The following ATP13A4 variants were observed in gnomAD, a reference collection of about 807,000 sequenced individuals.
ATP13A4 encodes ATPase 13A4.
Under a neutral mutation model 142.5 loss-of-function variants are expected in ATP13A4, and 114 were observed. That is an observed-to-expected ratio of 0.80 (90% CI 0.69 to 0.93). ATP13A4 has a LOEUF of 0.93. ATP13A4 is among the 40% of genes least tolerant of loss of function. ATP13A4 has a pLI of 0.00. For missense variants in ATP13A4, 1,392 were observed against 1,454.0 expected (o/e 0.96, Z 0.69); for synonymous variants, 488 against 514.8 (o/e 0.95, Z 0.70).
chr3:193,473,065 C>T (rs1214290402), intron 8 of ATP13A4, among the ~76,000 whole-genome samples: 8 of 152,174 alleles, frequency 5.3e-5, no homozygotes, highest in African/African-American at 1.9e-4. Flanking sequence ...TTCTAAATTC[C>T]CTTTCTCCCA....
chr3:193,449,802 C>G (rs894632297), intron 17 of ATP13A4, among the ~76,000 whole-genome samples: 1 of 152,144 alleles, frequency 6.6e-6, no homozygotes, highest in South Asian at 2.1e-4. Flanking sequence ...ACCACGTCCC[C>G]CACAAAGGCT....
At chr3:193,453,253 T>G (rs2108632762) in intron 17 of ATP13A4, among the ~76,000 whole-genome samples, 1 of 152,364 alleles carries the variant, frequency 6.6e-6, no homozygotes, top group South Asian at 2.1e-4. Context: ...AGATAATATG[T>G]GAATTTTATT....
chr3:193,479,020 A>G (rs1420881478), intron 8 of ATP13A4, among the ~76,000 whole-genome samples: 3 of 152,312 alleles, frequency 2.0e-5, no homozygotes, highest in Admixed American at 2.0e-4. Flanking sequence ...ACAAAATCAC[A>G]TGATTATCTC....
At chr3:193,523,087 G>A (rs747693219) in intron 1 of ATP13A4, among the ~76,000 whole-genome samples, 25 of 151,996 alleles carry the variant, frequency 1.6e-4, no homozygotes, top group Admixed American at 9.8e-4. Context: ...CGGATCACCC[G>A]AGGTCAGGAG....
intron 3 of ATP13A4, among the ~76,000 whole-genome samples, chr3:193,502,087 C>T (rs116800296): frequency 0.019 from 2,964 of 152,158 alleles, 105 homozygotes; most frequent in African/African-American, 0.067. Flanking sequence ...TAATCATGCA[C>T]CTGTGAATAG....
chr3:193,447,956 A>G (rs1717049077), intron 18 of ATP13A4, among the ~76,000 whole-genome samples: 1 of 152,130 alleles, frequency 6.6e-6, no homozygotes, highest in Non-Finnish European at 1.5e-5. Flanking sequence ...ATGGTCAAAC[A>G]CTTTCCTGCA....
At chr3:193,530,206 T>C (rs1722240583) in intron 1 of ATP13A4, among the ~76,000 whole-genome samples, 1 of 152,204 alleles carries the variant, frequency 6.6e-6, no homozygotes, top group African/African-American at 2.4e-5. Flanking sequence ...TGGGTTTTTT[T>C]TTCGGTTTTT....
At chr3:193,428,490 A>G (rs1025080922) in intron 25 of ATP13A4, among the ~76,000 whole-genome samples, 1 of 152,164 alleles carries the variant, frequency 6.6e-6, no homozygotes, top group Admixed American at 6.5e-5. Flanking sequence ...ACACATGCAC[A>G]TGTATGTTTA....
intron 3 of ATP13A4, among the ~76,000 whole-genome samples, chr3:193,502,053 G>A (rs1055873315): frequency 6.6e-6 from 1 of 152,132 alleles, no homozygotes; most frequent in Non-Finnish European, 1.5e-5. Flanking sequence ...CTTGAGCCCA[G>A]GAGTTTGAGG....
intron 1 of ATP13A4, among the ~76,000 whole-genome samples, chr3:193,520,471 CTCTTTTTAGCCTG>C (rs1310516905): frequency 6.6e-6 from 1 of 152,138 alleles, no homozygotes; most frequent in Non-Finnish European, 1.5e-5. Flanking sequence ...CTTTTTCTTT[CTCTTTTTAGCCTG>C]TCTCCAAGAG....
intron 20 of ATP13A4, 30 bp downstream of exon 20, chr3:193,441,436 T>A: frequency 6.2e-7 from 1 of 1,612,702 alleles, no homozygotes; most frequent in Non-Finnish European, 8.5e-7. Context: ...AGCATTTTCA[T>A]AGGGAGATTG....
At chr3:193,437,877 G>T (rs1323219799) in intron 23 of ATP13A4, among the ~76,000 whole-genome samples, 3 of 140,006 alleles carry the variant, frequency 2.1e-5, no homozygotes, top group East Asian at 2.1e-4. Context: ...TGTTGCCCAG[G>T]CTGGAGTGCA....
chr3:193,493,900 T>G (rs184396863), intron 3 of ATP13A4, among the ~76,000 whole-genome samples: 1 of 152,150 alleles, frequency 6.6e-6, no homozygotes, highest in East Asian at 1.9e-4. Flanking sequence ...CAAAGAATCA[T>G]TTAACTAGTA....
Position 193,577,653 on chromosome 3 carries a change from G to A in ATP13A4, n.291+4054C>T, listed in dbSNP as rs943582651. ...TAGGAAACCATACTGTCTACACTGT[G>A]CTATAGTGGAACTGGAAGCTCTAAA... On this transcript the variant is annotated intron_variant and non_coding_transcript_variant, in intron 2 of 3. Coordinates refer to the ATP13A4 transcript ENST00000489140. Among the ~76,000 whole-genome samples the A allele has an allele frequency of 2.6e-5, 4 of 152,326 alleles. 1 individual carries two copies. The South Asian group carries it at 8.3e-4, about 32-fold the overall frequency.
chr3:193,491,197 T>C (rs1719923317), intron 6 of ATP13A4, 132 bp downstream of exon 6: 1 of 777,956 alleles, frequency 1.3e-6, no homozygotes, highest in East Asian at 2.5e-5. Flanking sequence ...ATGAGGATAA[T>C]ATGCTTGGCA....
At chr3:193,533,688 C>T (rs1722442923) in intron 1 of ATP13A4, among the ~76,000 whole-genome samples, 2 of 152,150 alleles carry the variant, frequency 1.3e-5, no homozygotes, top group Non-Finnish European at 2.9e-5. Flanking sequence ...TAGGTAAACA[C>T]CACAGAAAAA....
At chr3:193,484,178 A>C (rs1291534643) in intron 7 of ATP13A4, among the ~76,000 whole-genome samples, 173 bp from the exon 8 acceptor site, 2 of 152,032 alleles carry the variant, frequency 1.3e-5, no homozygotes, top group Non-Finnish European at 2.9e-5. Flanking sequence ...AAAGCATCCA[A>C]CTTCTAGTGC....
chr3:193,584,906 G>C (rs1294584687), intron 1 of ATP13A4, among the ~76,000 whole-genome samples: 1 of 152,094 alleles, frequency 6.6e-6, no homozygotes, highest in African/African-American at 2.4e-5. Context: ...ATGTAACTGA[G>C]ACTTCTATCA....
At chr3:193,555,431 C>A (rs1419832900), upstream of ATP13A4, among the ~76,000 whole-genome samples, 1 of 152,112 alleles carries the variant, frequency 6.6e-6, no homozygotes, top group Non-Finnish European at 1.5e-5. Flanking sequence ...AAAAAAAATT[C>A]TATTTAAAGT....
Sources: gnomAD v4.1 joint callset for allele counts (sites outside exome capture counted in the v4.1 genomes callset) on GRCh38, gnomAD v4.1.1 for gene constraint, MANE v1.5 for transcripts, NCBI Gene and HGNC (gene_info 2026-07-23, HGNC 2026-07-21) for gene names.